Variants in ATAD3A observed in about 807,000 individuals in gnomAD.
The protein encoded by ATAD3A is ATPase family AAA domain-containing protein 3A.
Under a neutral mutation model 73.8 loss-of-function variants are expected in ATAD3A, and 46 were observed. That is an observed-to-expected ratio of 0.62 (90% CI 0.49 to 0.80). The LOEUF (loss-of-function observed/expected upper bound fraction) is 0.80, where lower values mean the gene tolerates loss of function less well. Ranked by LOEUF, ATAD3A falls within the 30% of genes least tolerant of loss-of-function variation. The pLI, the probability that ATAD3A is intolerant of heterozygous loss-of-function variation, is 0.00. For synonymous variants in ATAD3A, 319 were observed against 350.0 expected (o/e 0.91, Z 0.99); for missense variants, 705 against 838.0 (o/e 0.84, Z 1.96).
intron 12 of ATAD3A, among the ~76,000 whole-genome samples, chr1:1,525,974 C>T (rs564493030): frequency 4.5e-4 from 68 of 152,022 alleles, no homozygotes; most frequent in African/African-American, 1.4e-3. Context: ...TTCTGAAGTG[C>T]TGGGATTACA....
Position 1,523,461 on chromosome 1 carries a change from C to A in ATAD3A, c.907-50C>A, listed in dbSNP as rs1184920743. On this transcript the variant is annotated intron_variant, in intron 8 of 15. Transcript: ENST00000378756. The surrounding 1 kb of genome is among the most constrained non-coding windows in gnomAD (Gnocchi z 5.1). ...GTGTGTGTGCGCGTTGGTGGCTGTT[C>A]CGTGGCTGTGGCAGGTGACCCGATG... The A allele has an allele frequency of 1.3e-6, 2 of 1,597,896 alleles. No homozygotes were observed. The highest frequency in any genetic ancestry group is 2.2e-5 in the South Asian group (2 of 88,956).
In ATAD3A at chr1:1,517,039, T is replaced by C. The variant is rs373705866; in HGVS notation, c.283-272T>C. On this transcript the variant is annotated intron_variant, in intron 2 of 15. Coordinates refer to ENST00000378756, the MANE Select transcript of ATAD3A (RefSeq NM_001170535.3). ...CTCAGCAGGATTCCTAAAATAAGCATGAGCTCTGCCCTCAGTGCAGTCCAA... is the reference window on the plus strand; with the variant it reads ...CTCAGCAGGATTCCTAAAATAAGCACGAGCTCTGCCCTCAGTGCAGTCCAA... 1.3e-4 allele frequency: 188 copies of C among 1,443,054 alleles called. 2 individuals are homozygous for C. The East Asian group carries it at 3.9e-3, about 30-fold the overall frequency. The allele number at this position is 1,443,054 out of a possible 1,614,324, so 89.4% of individuals were successfully genotyped here.
chr1:1,523,655 G>C lies in ATAD3A; in HGVS notation c.963+88G>C, dbSNP rs757672146. 1.2e-6 allele frequency: 2 copies of C among 1,600,292 alleles called. No individual in the cohort carries two copies. Among genetic ancestry groups the C allele is most frequent in the Admixed American group, 3.4e-5 (2 of 58,500 alleles). On this transcript the variant is annotated intron_variant, in intron 9 of 15. Transcript: ENST00000378756. The surrounding 1 kb of genome is among the most constrained non-coding windows in gnomAD (Gnocchi z 5.1). ...GTGGCCCTTGCTGGCGCTCGTGGTG[G>C]CACCCAGGAGCTTTTGGGTCCTGAG...
Position 1,520,739 on chromosome 1 carries a change from G to C in ATAD3A, c.750+122G>C, listed in dbSNP as rs1384873113. 23 of 1,489,122 alleles carry C rather than the reference G, an allele frequency of 1.5e-5. No homozygotes were observed. Among genetic ancestry groups the C allele is most frequent in the Non-Finnish European group, 2.0e-5 (22 of 1,089,856 alleles). The allele number at this position is 1,489,122 out of a possible 1,614,324, so 92.2% of individuals were successfully genotyped here. A position where few individuals can be genotyped will look rare whatever the true frequency, so the allele number is the denominator to read the frequency against. ...GCCCTGTAGCTCTCCCAGCAGGGAG[G>C]AAGCCCACGTTGTACCTGCTGGCCT... On this transcript the variant is annotated intron_variant, in intron 7 of 15. Coordinates refer to ENST00000378756, the MANE Select transcript of ATAD3A (RefSeq NM_001170535.3). The surrounding 1 kb of genome is among the most constrained non-coding windows in gnomAD (Gnocchi z 4.0).
intron 15 of ATAD3A, among the ~76,000 whole-genome samples, chr1:1,530,442 G>C (rs960458840): frequency 6.6e-6 from 1 of 152,204 alleles, no homozygotes; most frequent in Non-Finnish European, 1.5e-5. Flanking sequence ...GCTGAGGTGG[G>C]AGGATCACTT....
chr1:1,519,710 G>C lies in ATAD3A; in HGVS notation c.515-431G>C, dbSNP rs540311831. 6.5e-3 allele frequency among the ~76,000 whole-genome samples: 928 copies of C among 142,038 alleles called. 7 individuals are homozygous for C. The highest frequency in any genetic ancestry group is 0.021 in the African/African-American group (788 of 37,572). The allele number at this position is 142,038 out of a possible 152,430, so 93.2% of individuals were successfully genotyped here. Reference sequence around the variant, plus strand: ...GGCACGTGGCACGTCACGCGTGTCTGAGTTCTGACAGCTGTGTTTCTGTGT... The same window carrying C: ...GGCACGTGGCACGTCACGCGTGTCTCAGTTCTGACAGCTGTGTTTCTGTGT... On this transcript the variant is annotated intron_variant, in intron 5 of 15. Coordinates refer to ENST00000378756, the MANE Select transcript of ATAD3A (RefSeq NM_001170535.3).
intron 4 of ATAD3A, among the ~76,000 whole-genome samples, chr1:1,518,341 G>A (rs536547361): frequency 4.6e-4 from 49 of 107,332 alleles, no homozygotes; most frequent in Non-Finnish European, 6.6e-4. Flanking sequence ...ACTGGCACCC[G>A]CGCACTCGGG....
rs144675607 is a variant in ATAD3A, at chr1:1,523,862, C to G, written c.987C>G (p.Arg329=). Residue 329 remains arginine, a synonymous_variant, in exon 10 of 16, where the codon CGC becomes CGG. Transcript: ENST00000378756. This position sits in a 1 kb window ranked among gnomAD's most constrained non-coding sequence, Gnocchi z 5.1. ...AGCCCAGCCTGGAAGCACGGGTGCG[C>G]GACATCGCCATAGCAACAAGGAACA... ...VLSPSLEARV[R]DIAIATRNTK... The G allele has an allele frequency of 9.9e-6, 16 of 1,614,000 alleles. No homozygotes were observed. The East Asian group carries it at 2.7e-4, about 27-fold the overall frequency.
chr1:1,520,372 G>A lies in ATAD3A; in HGVS notation c.680+66G>A. ...CCGCAGGTGTGAGTCGCTGGTCCCA[G>A]GGCGCTCTCCAGCTCTTCCAGGCCT... On this transcript the variant is annotated intron_variant, in intron 6 of 15. Transcript: ENST00000378756. This position sits in a 1 kb window ranked among gnomAD's most constrained non-coding sequence, Gnocchi z 4.0. 3.1e-6 allele frequency: 5 copies of A among 1,597,758 alleles called. No individual in the cohort carries two copies. The highest frequency in any genetic ancestry group is 4.3e-6 in the Non-Finnish European group (5 of 1,168,906).
At chr1:1,526,420 C>A in intron 12 of ATAD3A, 41 bp from the exon 13 acceptor site, 7 of 1,572,156 alleles carry the variant, frequency 4.5e-6, no homozygotes, top group Non-Finnish European at 6.0e-6. Flanking sequence ...GTTTACAAGG[C>A]TTTGCTCCTG....
At position 1,531,726 on chromosome 1, in the gene ATAD3A, C is replaced by A. The variant is rs147426712; in HGVS notation, c.1615-2200C>A. 5.2e-3 allele frequency among the ~76,000 whole-genome samples: 790 copies of A among 151,820 alleles called. 5 individuals are homozygous for A. The highest frequency in any genetic ancestry group is 0.018 in the African/African-American group (737 of 41,408). On this transcript the variant is annotated intron_variant, in intron 15 of 15. Transcript: ENST00000378756. ...CCGGGAGGCAGAGCTTGCAGTGAGC[C>A]GAGATCGCACCACTGCACTCCAGCC...
chr1:1,531,757 G>T (rs565108243), intron 15 of ATAD3A, among the ~76,000 whole-genome samples: 1 of 151,754 alleles, frequency 6.6e-6, no homozygotes, highest in Non-Finnish European at 1.5e-5. Context: ...CAGCCTGGGC[G>T]ACAGAGCAAG....
chr1:1,512,326 C>T lies in ATAD3A; in HGVS notation c.58C>T (p.Pro20Ser), dbSNP rs1557452139. The T allele has an allele frequency of 4.0e-6, 5 of 1,240,256 alleles. No homozygotes were observed. Among genetic ancestry groups the T allele is most frequent in the Non-Finnish European group, 4.1e-6 (4 of 986,404 alleles). The allele number at this position is 1,240,256 out of a possible 1,614,324, so 76.8% of individuals were successfully genotyped here. A position where few individuals can be genotyped will look rare whatever the true frequency, so the allele number is the denominator to read the frequency against. ...CAAGGGTGAAGGCGCGGGGCCGCCG[C>T]CGCCTTTGCCGCCCGCGCAGCCCGG... ...GPKGEGAGPP[P>S]PLPPAQPGAE... Residue 20 changes from proline to serine, a missense_variant, in exon 1 of 16, where the codon CCG becomes TCG. Coordinates refer to ENST00000378756, the MANE Select transcript of ATAD3A (RefSeq NM_001170535.3).
rs560969313 is a variant in ATAD3A, at chr1:1,516,003, C to A, written c.206-9C>A. 6.9e-5 allele frequency: 111 copies of A among 1,613,960 alleles called. No individual in the cohort carries two copies. The East Asian group carries it at 2.5e-3, about 36-fold the overall frequency. On this transcript the variant is annotated splice_polypyrimidine_tract_variant and intron_variant, in intron 1 of 15. Coordinates refer to ENST00000378756, the MANE Select transcript of ATAD3A (RefSeq NM_001170535.3). ...CTAACACCTGCCCTCCGTGTCCTTG[C>A]GTCTGCAGGTTATGCCAAGGACGCC... is the stretch of plus-strand genomic sequence containing the variant.
At chr1:1,524,236 A>G (rs779115300) in intron 10 of ATAD3A, 37 bp from the exon 11 acceptor site, 1 of 1,613,596 alleles carries the variant, frequency 6.2e-7, no homozygotes, top group Non-Finnish European at 8.5e-7. Flanking sequence ...AGGCGGAGGG[A>G]ACATCTGCTC....
chr1:1,519,951 T>C (rs1047436135), intron 5 of ATAD3A, among the ~76,000 whole-genome samples, 190 bp from the exon 6 acceptor site: 11 of 152,140 alleles, frequency 7.2e-5, no homozygotes, highest in Admixed American at 4.6e-4. Context: ...GGCGTGGGCC[T>C]GTCCGTGGCC....
intron 1 of ATAD3A, among the ~76,000 whole-genome samples, chr1:1,514,830 G>T (rs1641304306): frequency 6.6e-6 from 1 of 152,144 alleles, no homozygotes; most frequent in Admixed American, 6.6e-5. Context: ...GAGCATCGGG[G>T]GTCCCTGCCT....
At chr1:1,526,666 A>C in intron 13 of ATAD3A, 135 bp downstream of exon 13, 1 of 1,533,030 alleles carries the variant, frequency 6.5e-7, no homozygotes, top group Non-Finnish European at 8.8e-7. Flanking sequence ...CCCACCTCGG[A>C]TGTCCCCTGG....
At position 1,518,858 on chromosome 1, in the gene ATAD3A, C is replaced by T. The variant is rs377665552; in HGVS notation, c.445-63C>T. 86 of 1,613,472 alleles carry T rather than the reference C, an allele frequency of 5.3e-5. No individual in the cohort carries two copies. In the East Asian group the frequency reaches 7.4e-4, roughly 14 times the overall value. On this transcript the variant is annotated intron_variant, in intron 4 of 15. Transcript: ENST00000378756. Reference sequence around the variant, plus strand: ...TGCACACTCGGGCACAGTCATCCCCCGCACACATGGGCACAGTCACAGGTT... The same window carrying T: ...TGCACACTCGGGCACAGTCATCCCCTGCACACATGGGCACAGTCACAGGTT...
Sources: gnomAD v4.1 joint callset for allele counts (sites outside exome capture counted in the v4.1 genomes callset) on GRCh38, gnomAD v4.1.1 for gene constraint, Gnocchi (gnomAD v3.1) non-coding constraint, MANE v1.5 for transcripts, NCBI Gene and HGNC (gene_info 2026-07-23, HGNC 2026-07-21) for gene names.